Variants in DCAF4 observed in about 807,000 individuals in gnomAD.
DCAF4 encodes the protein DDB1 and CUL4 associated factor 4.
DCAF4 carries 37 observed loss-of-function variants against 60.9 expected under a neutral mutation model. The ratio of observed to expected loss-of-function variants is 0.61; its 90% CI spans 0.47 to 0.80. The LOEUF is 0.80. Ranked by LOEUF, DCAF4 falls within the 30% of genes least tolerant of loss-of-function variation. The pLI is 0.00. For missense variants in DCAF4, 577 were observed against 650.0 expected (o/e 0.89, Z 1.22); for synonymous variants, 243 against 254.8 (o/e 0.95, Z 0.44).
At chr14:72,950,012 A>G (rs1333812463) in intron 8 of DCAF4, among the ~76,000 whole-genome samples, 1 of 152,110 alleles carries the variant, frequency 6.6e-6, no homozygotes, top group Admixed American at 6.5e-5. Flanking sequence ...AGGGACCCCT[A>G]ATAGGAGGAG....
At chr14:72,938,901 T>C (rs1010475680) in intron 2 of DCAF4, among the ~76,000 whole-genome samples, 1 of 151,936 alleles carries the variant, frequency 6.6e-6, no homozygotes, top group Non-Finnish European at 1.5e-5. Context: ...CTACATTACA[T>C]TTATTTATTT....
At chr14:72,944,841 C>T (rs1429629894) in intron 6 of DCAF4, among the ~76,000 whole-genome samples, 1 of 152,078 alleles carries the variant, frequency 6.6e-6, no homozygotes, top group East Asian at 1.9e-4. Context: ...GTAATCCCAG[C>T]ACTTTGGGAG....
intron 1 of DCAF4, chr14:72,929,966 C>A: frequency 1.3e-6 from 1 of 767,666 alleles, no homozygotes; most frequent in South Asian, 1.6e-5. Context: ...GGCGGAAGGC[C>A]AAAAATATTT....
chr14:72,944,767 G>A (rs927165766), intron 6 of DCAF4, among the ~76,000 whole-genome samples: 4 of 151,960 alleles, frequency 2.6e-5, no homozygotes, highest in South Asian at 4.1e-4. Context: ...ACTCCAGCCT[G>A]GGCAACCAAT....
intron 1 of DCAF4, among the ~76,000 whole-genome samples, chr14:72,931,106 T>C (rs1888510803): frequency 6.6e-6 from 1 of 152,214 alleles, no homozygotes. Flanking sequence ...TTGCATAATA[T>C]GAATTTAGGA....
Position 72,949,156 on chromosome 14 carries a change from G to A in DCAF4, c.728+1965G>A, listed in dbSNP as rs115089562. ...ACACATCACATACTCAGATAGTCAA[G>A]AATGTCACCTGGCCAGGCATGGTGG... On this transcript the variant is annotated intron_variant, in intron 8 of 13. Coordinates refer to ENST00000358377, the MANE Select transcript of DCAF4 (RefSeq NM_015604.4). Among the ~76,000 whole-genome samples, 813 of 152,302 alleles carry A rather than the reference G, an allele frequency of 5.3e-3. 9 individuals carry two copies. Among genetic ancestry groups the A allele is most frequent in the African/African-American group, 0.018 (761 of 41,546 alleles).
intron 3 of DCAF4, 85 bp downstream of exon 3, chr14:72,939,987 A>G (rs1468408431): frequency 1.5e-6 from 2 of 1,369,982 alleles, no homozygotes; most frequent in East Asian, 2.5e-5. Flanking sequence ...GAATTCCAGG[A>G]GCAAATTGAA....
At chr14:72,948,249 A>G (rs960501638) in intron 8 of DCAF4, among the ~76,000 whole-genome samples, 5 of 152,130 alleles carry the variant, frequency 3.3e-5, no homozygotes, top group African/African-American at 4.8e-5. Context: ...GTGCAGTGGT[A>G]CAATCATAGC....
In DCAF4 at chr14:72,959,021, C is replaced by G. The variant is rs1311041731; in HGVS notation, c.*216C>G. ...GCTGAGAGAGCTTGGAAGTCCTTTT[C>G]ATAAAAGGTACCTCTTTCCTTTTCT... On this transcript the variant is annotated 3_prime_UTR_variant, in exon 14 of 14. Transcript: ENST00000358377. 8.1e-7 allele frequency: 1 copy of G among 1,240,892 alleles called. No homozygotes were observed. The highest frequency in any genetic ancestry group is 1.0e-6 in the Non-Finnish European group (1 of 992,488). 76.9% of individuals were successfully genotyped at this position (1,240,892 alleles called of 1,614,324 possible). A position where few individuals can be genotyped will look rare whatever the true frequency, so the allele number is the denominator to read the frequency against.
At chr14:72,942,737 ACAACTCCCTC>A (rs1890212522) in intron 5 of DCAF4, 1 of 473,724 alleles carries the variant, frequency 2.1e-6, no homozygotes, top group Non-Finnish European at 3.8e-6. Flanking sequence ...TGATGCAGAC[ACAACTCCCTC>A]TAACTCCCAC....
chr14:72,931,985 C>CTTTTTTT (rs1567294693), intron 1 of DCAF4, among the ~76,000 whole-genome samples: 1 of 139,160 alleles, frequency 7.2e-6, no homozygotes, highest in African/African-American at 2.6e-5. Context: ...TATATTTTTC[C>CTTTTTTT]TTCTTTTTTT....
rs1222506849 is a variant in DCAF4, at chr14:72,941,485, G to A, written c.352-260G>A. On this transcript the variant is annotated intron_variant, in intron 4 of 13. Transcript: ENST00000358377. ...CTGCACTCACGCACCTGGTGGCTTCGTCCCCCCGGGTGTATGTGGATGGGG... is the reference window on the plus strand; with the variant it reads ...CTGCACTCACGCACCTGGTGGCTTCATCCCCCCGGGTGTATGTGGATGGGG... Among the ~76,000 whole-genome samples, 9 of 152,156 alleles carry A rather than the reference G, an allele frequency of 5.9e-5. No individual in the cohort carries two copies. In the South Asian group the frequency reaches 6.2e-4, roughly 11 times the overall value.
At chr14:72,952,168 C>T (rs1205181711) in intron 9 of DCAF4, among the ~76,000 whole-genome samples, 1 of 152,240 alleles carries the variant, frequency 6.6e-6, no homozygotes, top group Non-Finnish European at 1.5e-5. Flanking sequence ...GAAAACACCT[C>T]TGAAGGTCCA....
At chr14:72,936,869 G>A (rs1435393442) in intron 1 of DCAF4, among the ~76,000 whole-genome samples, 3 of 152,150 alleles carry the variant, frequency 2.0e-5, no homozygotes. Flanking sequence ...GGAGAAATGA[G>A]CAAAGGATTT....
intron 3 of DCAF4, 127 bp from the exon 4 acceptor site, chr14:72,940,093 G>T: frequency 7.4e-7 from 1 of 1,359,858 alleles, no homozygotes; most frequent in Non-Finnish European, 1.0e-6. Context: ...TGCCTGACAA[G>T]GCAGCTCATC....
intron 9 of DCAF4, among the ~76,000 whole-genome samples, chr14:72,953,732 A>ATATATAT (rs1200407934): frequency 3.2e-4 from 7 of 21,762 alleles, no homozygotes; most frequent in East Asian, 1.2e-3. Context: ...AAAAAAAAAA[A>ATATATAT]ATATATATAT....
Position 72,955,646 on chromosome 14 carries a change from C to T in DCAF4, c.1129C>T (p.Arg377Trp), listed in dbSNP as rs766596013. The T allele has an allele frequency of 2.5e-5, 40 of 1,613,968 alleles. No homozygotes were observed. Among genetic ancestry groups the T allele is most frequent in the African/African-American group, 1.3e-4 (10 of 74,914 alleles). The part of the protein sequence containing the change: ...LFHDSAVTSV[R>W]ILQDEQYLMA... ...TCATGATTCAGCAGTGACCTCTGTG[C>T]GGATCCTCCAAGATGAGCAATACCT... is the stretch of plus-strand genomic sequence containing the variant. Residue 377 changes from arginine (R) to tryptophan (W), a missense_variant, in exon 12 of 14, where the codon CGG (arginine) becomes TGG (tryptophan). Transcript: ENST00000358377.
At chr14:72,930,240 C>G (rs1231359774) in intron 1 of DCAF4, among the ~76,000 whole-genome samples, 1 of 110,166 alleles carries the variant, frequency 9.1e-6, no homozygotes, top group East Asian at 2.1e-4. Flanking sequence ...ATTTGTGTAG[C>G]TTTTTCTTTT....
At position 72,941,737 on chromosome 14, in the gene DCAF4, A is replaced by G. The variant is rs747363831; in HGVS notation, c.352-8A>G. On this transcript the variant is annotated splice_region_variant and splice_polypyrimidine_tract_variant and intron_variant, in intron 4 of 13. Coordinates refer to ENST00000358377, the MANE Select transcript of DCAF4 (RefSeq NM_015604.4). Reference sequence around the variant, plus strand: ...ATTGAATTGTTCTCTTTTTTGTAATAAATATAGATTGCCAGGATGGGATTT... The same window carrying G: ...ATTGAATTGTTCTCTTTTTTGTAATGAATATAGATTGCCAGGATGGGATTT... The G allele has an allele frequency of 6.2e-7, 1 of 1,611,888 alleles. No homozygotes were observed. The highest frequency in any genetic ancestry group is 8.5e-7 in the Non-Finnish European group (1 of 1,179,176).
Sources: allele counts gnomAD v4.1 joint callset (sites outside exome capture counted in the v4.1 genomes callset), GRCh38; gene constraint gnomAD v4.1.1; transcripts MANE v1.5; gene names NCBI Gene and HGNC (gene_info 2026-07-23, HGNC 2026-07-21).